PALLD: variants seen among roughly 807,000 people sequenced by gnomAD.
PALLD encodes palladin.
PALLD carries 61 observed loss-of-function variants against 123.5 expected under a neutral mutation model. The ratio of observed to expected loss-of-function variants is 0.49; its 90% confidence interval spans 0.40 to 0.61. The LOEUF (loss-of-function observed/expected upper bound fraction) is 0.61, where lower values mean the gene tolerates loss of function less well. Ranked by LOEUF, PALLD falls within the 20% of genes least tolerant of loss-of-function variation. The pLI is 0.00. For synonymous variants in PALLD, 465 were observed against 496.4 expected, an observed-to-expected ratio of 0.94 and a Z score of 0.84; for missense variants, 1,273 against 1,377.0, an observed-to-expected ratio of 0.92 and a Z score of 1.20.
intron 6 of PALLD, among the ~76,000 whole-genome samples, chr4:168,687,813 G>A (rs1191076386): frequency 6.6e-6 from 1 of 152,142 alleles, no homozygotes; most frequent in African/African-American, 2.4e-5. Context: ...AGCATTCTTT[G>A]TGCTAACAGC....
At chr4:168,541,100 G>C (rs962273638) in intron 2 of PALLD, among the ~76,000 whole-genome samples, 2 of 152,188 alleles carry the variant, frequency 1.3e-5, no homozygotes, top group Non-Finnish European at 2.9e-5. Flanking sequence ...GAAAACAATG[G>C]AAAATGTGGC....
chr4:168,708,729 C>T (rs1375504918), intron 8 of PALLD, among the ~76,000 whole-genome samples: 2 of 152,144 alleles, frequency 1.3e-5, no homozygotes, highest in Non-Finnish European at 2.9e-5. Flanking sequence ...CACTTGCAGA[C>T]ATCTCGTTTT....
intron 3 of PALLD, among the ~76,000 whole-genome samples, chr4:168,669,311 A>AGGC (rs1779950314): frequency 6.6e-6 from 1 of 152,318 alleles, no homozygotes; most frequent in East Asian, 1.9e-4. Context: ...CATGCCTGTA[A>AGGC]TCCCAGCACT....
At chr4:168,798,856 T>G (rs908090709) in intron 10 of PALLD, among the ~76,000 whole-genome samples, 15 of 152,224 alleles carry the variant, frequency 9.9e-5, no homozygotes, top group African/African-American at 3.4e-4. Context: ...TCATAGTTAA[T>G]TCTTTGTACA....
intron 2 of PALLD, among the ~76,000 whole-genome samples, chr4:168,604,917 A>T (rs1164044824): frequency 2.0e-5 from 3 of 152,230 alleles, no homozygotes; most frequent in Non-Finnish European, 1.5e-5. Flanking sequence ...ATATACTATT[A>T]CATTGGTCAA....
intron 2 of PALLD, among the ~76,000 whole-genome samples, chr4:168,655,263 T>C (rs1778440888): frequency 6.6e-6 from 1 of 152,064 alleles, no homozygotes; most frequent in Non-Finnish European, 1.5e-5. Flanking sequence ...GGAAGGAGGG[T>C]GGCTTTGAAA....
chr4:168,812,213 A>T (rs771251382), intron 10 of PALLD, among the ~76,000 whole-genome samples: 1 of 152,234 alleles, frequency 6.6e-6, no homozygotes, highest in Non-Finnish European at 1.5e-5. Flanking sequence ...AACTAACCAC[A>T]AATTGTGGCC....
intron 16 of PALLD, 58 bp from the exon 17 acceptor site, chr4:168,915,837 A>G: frequency 7.3e-7 from 1 of 1,370,512 alleles, no homozygotes; most frequent in Non-Finnish European, 1.0e-6. Context: ...GATGACTAAA[A>G]GTCTGGAAGT....
intron 2 of PALLD, among the ~76,000 whole-genome samples, chr4:168,556,224 TA>T (rs1361072981): frequency 6.6e-6 from 1 of 151,662 alleles, no homozygotes; most frequent in Non-Finnish European, 1.5e-5. Context: ...GCCTCCAGAG[TA>T]GCTGGGACTA....
intron 10 of PALLD, among the ~76,000 whole-genome samples, chr4:168,828,238 T>C (rs1195537695): frequency 6.6e-6 from 1 of 152,164 alleles, no homozygotes; most frequent in Admixed American, 6.6e-5. Context: ...TAATTTTCAT[T>C]AAAATATTAA....
intron 10 of PALLD, among the ~76,000 whole-genome samples, chr4:168,814,230 C>T (rs1388225945): frequency 6.6e-6 from 1 of 152,060 alleles, no homozygotes; most frequent in African/African-American, 2.4e-5. Context: ...AGGCTACACA[C>T]CAAAAATATA....
At chr4:168,650,191 AAAAAAG>A (rs1561349028) in intron 2 of PALLD, among the ~76,000 whole-genome samples, 1 of 152,230 alleles carries the variant, frequency 6.6e-6, no homozygotes, top group South Asian at 2.1e-4. Flanking sequence ...AAGAAAAGAA[AAAAAAG>A]AAAAAGAAAA....
intron 10 of PALLD, among the ~76,000 whole-genome samples, chr4:168,807,559 G>A (rs912367165): frequency 3.3e-5 from 5 of 152,066 alleles, no homozygotes; most frequent in Non-Finnish European, 7.4e-5. Context: ...ACAGGCAAGC[G>A]CCACCATGCC....
chr4:168,710,929 A>G lies in PALLD; in HGVS notation c.1622-652A>G, dbSNP rs116452469. On this transcript the variant is annotated intron_variant, in intron 9 of 21. Transcript: ENST00000505667. ...ATTTCTGAGCTTTTTGTTTACCTCA[A>G]TAAGCATTTTTGAGTGCATGCCAGG... is the stretch of plus-strand genomic sequence containing the variant. 2.6e-3 allele frequency among the ~76,000 whole-genome samples: 395 copies of G among 152,222 alleles called. 1 individual carries two copies. The highest frequency in any genetic ancestry group is 8.4e-3 in the African/African-American group (347 of 41,508).
At chr4:168,547,380 G>A (rs1262620708) in intron 2 of PALLD, among the ~76,000 whole-genome samples, 4 of 151,874 alleles carry the variant, frequency 2.6e-5, no homozygotes, top group Middle Eastern at 3.4e-3. Context: ...GCATAACACC[G>A]CCAATAACAC....
intron 10 of PALLD, chr4:168,831,923 G>A (rs1744264128): frequency 1.5e-5 from 12 of 819,050 alleles, no homozygotes; most frequent in African/African-American, 3.7e-5. Context: ...AGTGGGTGCG[G>A]GGAAGCCTCC....
chr4:168,920,122 G>A (rs1462952125), intron 17 of PALLD, among the ~76,000 whole-genome samples: 1 of 152,178 alleles, frequency 6.6e-6, no homozygotes, highest in Non-Finnish European at 1.5e-5. Context: ...GACCAAAGAT[G>A]TCCACTCCCT....
At chr4:168,544,410 T>C (rs1765942720) in intron 2 of PALLD, among the ~76,000 whole-genome samples, 1 of 152,240 alleles carries the variant, frequency 6.6e-6, no homozygotes, top group Non-Finnish European at 1.5e-5. Flanking sequence ...CTGGTAATTC[T>C]TGAGGTTAAT....
chr4:168,803,612 G>A (rs1739685940), intron 10 of PALLD, among the ~76,000 whole-genome samples: 1 of 151,330 alleles, frequency 6.6e-6, no homozygotes, highest in Non-Finnish European at 1.5e-5. Context: ...ACTGAGCCTG[G>A]GATTCTGAGG....
Sources: allele counts gnomAD v4.1 joint callset (sites outside exome capture counted in the v4.1 genomes callset), GRCh38; gene constraint gnomAD v4.1.1; transcripts MANE v1.5; gene names NCBI Gene and HGNC (gene_info 2026-07-23, HGNC 2026-07-21).